ASB18: variants seen among roughly 807,000 people sequenced by gnomAD.
ASB18 encodes ankyrin repeat and SOCS box protein 18.
ASB18 carries 33 observed loss-of-function variants against 33.4 expected under a neutral mutation model. The ratio of observed to expected loss-of-function variants is 0.99; its 90% CI spans 0.75 to 1.32. ASB18 has a LOEUF of 1.32. ASB18 is among the 40% of genes most tolerant of loss of function. The pLI, the probability that ASB18 is intolerant of heterozygous loss-of-function variation, is 0.00. For synonymous variants in ASB18, 295 were observed against 307.6 expected, an observed-to-expected ratio of 0.96 and a Z score of 0.43; for missense variants, 694 against 655.5, an observed-to-expected ratio of 1.06 and a Z score of -0.64.
rs113164067 is a variant in ASB18 at position 236,214,244 on chromosome 2, C to G, written c.1101+118G>C. On this transcript the variant is annotated intron_variant, in intron 4 of 5. Coordinates refer to ENST00000409749, the MANE Select transcript of ASB18 (RefSeq NM_212556.4). This position sits in a 1 kb window ranked among gnomAD's most constrained non-coding sequence, Gnocchi z 6.5. Reference sequence around the variant, plus strand: ...GAGCAGATTCTGCATTTTCACAAGTCCCCAGGGGTGCCTGGGCCATTACAC... The same window carrying G: ...GAGCAGATTCTGCATTTTCACAAGTGCCCAGGGGTGCCTGGGCCATTACAC... The G allele has an allele frequency of 1.6e-3, 1,742 of 1,077,710 alleles. 18 individuals carry two copies. The African/African-American group carries it at 0.026, about 16-fold the overall frequency. 66.8% of individuals were successfully genotyped at this position (1,077,710 alleles called of 1,614,324 possible).
Position 236,208,982 on chromosome 2 carries a change from A to G in ASB18, c.1101+5380T>C, listed in dbSNP as rs2060446385. Among the ~76,000 whole-genome samples, 1 of 152,062 alleles carries G rather than the reference A, an allele frequency of 6.6e-6. No individual in the cohort carries two copies. The highest frequency in any genetic ancestry group is 2.1e-4 in the South Asian group (1 of 4,812). The stretch of plus-strand genomic sequence containing the variant: ...TATATGTAGATGGAGAAATAAAACG[A>G]CAGCAAGAAAAACACAGGCGCCCTA... On this transcript the variant is annotated intron_variant, in intron 4 of 5. Coordinates refer to ENST00000409749, the MANE Select transcript of ASB18 (RefSeq NM_212556.4). This position sits in a 1 kb window ranked among gnomAD's most constrained non-coding sequence, Gnocchi z 7.7.
At position 236,223,634 on chromosome 2, in the gene ASB18, A is replaced by T. The variant is rs2060523104; in HGVS notation, c.597-8768T>A. 6.6e-6 allele frequency among the ~76,000 whole-genome samples: 1 copy of T among 152,232 alleles called. No individual in the cohort carries two copies. The highest frequency in any genetic ancestry group is 2.1e-4 in the South Asian group (1 of 4,828). ...ACAAAGGAATATACCTATGTAACCA[A>T]TACCTCAATGAAGACATAGAATATT... On this transcript the variant is annotated intron_variant, in intron 3 of 5. Transcript: ENST00000409749. This position sits in a 1 kb window ranked among gnomAD's most constrained non-coding sequence, Gnocchi z 4.6.
At position 236,209,298 on chromosome 2, in the gene ASB18, G is replaced by A. The variant is rs375745648; in HGVS notation, c.1101+5064C>T. Reference sequence around the variant, plus strand: ...CTTTTTTTTTTTTTTTTTAAGACAAGGTCTTGCTCTGTCGTCCAGGCTGGA... The same window carrying A: ...CTTTTTTTTTTTTTTTTTAAGACAAAGTCTTGCTCTGTCGTCCAGGCTGGA... On this transcript the variant is annotated intron_variant, in intron 4 of 5. Coordinates refer to ENST00000409749, the MANE Select transcript of ASB18 (RefSeq NM_212556.4). This position sits in a 1 kb window ranked among gnomAD's most constrained non-coding sequence, Gnocchi z 4.4. Among the ~76,000 whole-genome samples, 31 of 149,402 alleles carry A rather than the reference G, an allele frequency of 2.1e-4. 1 individual carries two copies. The highest frequency in any genetic ancestry group is 7.4e-4 in the African/African-American group (30 of 40,406).
rs2060599826 is a variant in ASB18, at chr2:236,237,471, T to G, written c.596+218A>C. On this transcript the variant is annotated intron_variant, in intron 3 of 5. Coordinates refer to ENST00000409749, the MANE Select transcript of ASB18 (RefSeq NM_212556.4). This position sits in a 1 kb window ranked among gnomAD's most constrained non-coding sequence, Gnocchi z 6.2. ...GAGGTGCCAGGTCTGGGGTCCCGGGTCAGGGATCTTGGATCTGGGTCCCGA... is the reference window on the plus strand; with the variant it reads ...GAGGTGCCAGGTCTGGGGTCCCGGGGCAGGGATCTTGGATCTGGGTCCCGA... Among the ~76,000 whole-genome samples the G allele has an allele frequency of 6.8e-6, 1 of 147,090 alleles. No homozygotes were observed. The highest frequency in any genetic ancestry group is 2.5e-5 in the African/African-American group (1 of 40,184).
intron 3 of ASB18, among the ~76,000 whole-genome samples, chr2:236,232,422 C>T (rs906522745): frequency 8.6e-5 from 13 of 151,994 alleles, no homozygotes; most frequent in Admixed American, 6.5e-5. Flanking sequence ...GTGACATTAG[C>T]TTCCACCTTA....
Position 236,260,185 on chromosome 2 carries a change from G to A in ASB18, c.205+3956C>T, listed in dbSNP as rs2060711586. 8.1e-6 allele frequency among the ~76,000 whole-genome samples: 1 copy of A among 123,624 alleles called. No individual in the cohort carries two copies. The allele number at this position is 123,624 out of a possible 152,430, so 81.1% of individuals were successfully genotyped here. A position where few individuals can be genotyped will look rare whatever the true frequency, so the allele number is the denominator to read the frequency against. Reference sequence around the variant, plus strand: ...TGTCATCTTTAGAATAAAACTCAGAGTTCTGTCTACTGGGCTTGTCCTTGG... The same window carrying A: ...TGTCATCTTTAGAATAAAACTCAGAATTCTGTCTACTGGGCTTGTCCTTGG... On this transcript the variant is annotated intron_variant, in intron 1 of 5. Transcript: ENST00000409749. This position sits in a 1 kb window ranked among gnomAD's most constrained non-coding sequence, Gnocchi z 5.1.
At chr2:236,246,762 T>C (rs928544306) in intron 1 of ASB18, among the ~76,000 whole-genome samples, 2 of 152,068 alleles carry the variant, frequency 1.3e-5, no homozygotes, top group South Asian at 2.1e-4. Flanking sequence ...GTAGTTGCAC[T>C]ATTCATTTTC....
In ASB18 at chr2:236,241,641, T is replaced by C; in HGVS notation, c.206-239A>G. On this transcript the variant is annotated intron_variant, in intron 1 of 5. Coordinates refer to ENST00000409749, the MANE Select transcript of ASB18 (RefSeq NM_212556.4). The surrounding 1 kb of genome is among the most constrained non-coding windows in gnomAD (Gnocchi z 4.2). Reference sequence around the variant, plus strand: ...CAGTTGGGGCTCGATGGTGGTATATTTATAACTCCTGTGGGCTCCGATGTG... The same window carrying C: ...CAGTTGGGGCTCGATGGTGGTATATCTATAACTCCTGTGGGCTCCGATGTG... The C allele has an allele frequency of 1.6e-6, 1 of 631,256 alleles. No individual in the cohort carries two copies. 39.1% of individuals were successfully genotyped at this position (631,256 alleles called of 1,614,324 possible).
In ASB18 at chr2:236,214,792, T is replaced by G; in HGVS notation, c.671A>C (p.His224Pro). The G allele has an allele frequency of 8.3e-7, 1 of 1,205,026 alleles. No homozygotes were observed. The highest frequency in any genetic ancestry group is 1.0e-6 in the Non-Finnish European group (1 of 970,306). 74.6% of individuals were successfully genotyped at this position (1,205,026 alleles called of 1,614,324 possible). ...GTCCAGGCCGCGCTGCGCCGCCACG[T>G]GCAGCGGCGTGTCCCGGCCCGTGCC... The part of the protein sequence containing the change: ...VGGTGRDTPL[H>P]VAAQRGLDEH... Residue 224 changes from histidine (H) to proline (P), a missense_variant, in exon 4 of 6, where the codon CAC becomes CCC. Physicochemically the swap from His to Pro is moderately conservative, Grantham distance 77. Transcript: ENST00000409749. This position sits in a 1 kb window ranked among gnomAD's most constrained non-coding sequence, Gnocchi z 6.5.
At chr2:236,224,185 GTTTTTTTTTTTTTTTTTT>G (rs1161648778) in intron 3 of ASB18, among the ~76,000 whole-genome samples, 1 of 66,772 alleles carries the variant, frequency 1.5e-5, no homozygotes, top group Admixed American at 1.8e-4. Flanking sequence ...GTGTTGTCAG[GTTTTTTTTTTTTTTTTTT>G]TTTTTTTTTT....
rs2060520924 is a variant in ASB18 at position 236,223,244 on chromosome 2, G to A, written c.597-8378C>T. Among the ~76,000 whole-genome samples the A allele has an allele frequency of 6.6e-6, 1 of 152,190 alleles. No individual in the cohort carries two copies. Among genetic ancestry groups the A allele is most frequent in the South Asian group, 2.1e-4 (1 of 4,832 alleles). Reference sequence around the variant, plus strand: ...TATTTCTTTATAGCAGTGCAAGAATGGCCTAATACACTTCACATGCCCACT... The same window carrying A: ...TATTTCTTTATAGCAGTGCAAGAATAGCCTAATACACTTCACATGCCCACT... On this transcript the variant is annotated intron_variant, in intron 3 of 5. Coordinates refer to ENST00000409749, the MANE Select transcript of ASB18 (RefSeq NM_212556.4). The surrounding 1 kb of genome is among the most constrained non-coding windows in gnomAD (Gnocchi z 4.6).
chr2:236,214,987 C>T lies in ASB18; in HGVS notation c.597-121G>A. Reference sequence around the variant, plus strand: ...AATGAAAAGACATGCTCCGCTCTCCCATACCAAGGCGTCAGGAGTTCAAAC... The same window carrying T: ...AATGAAAAGACATGCTCCGCTCTCCTATACCAAGGCGTCAGGAGTTCAAAC... On this transcript the variant is annotated intron_variant, in intron 3 of 5. Coordinates refer to ENST00000409749, the MANE Select transcript of ASB18 (RefSeq NM_212556.4). This position sits in a 1 kb window ranked among gnomAD's most constrained non-coding sequence, Gnocchi z 6.5. 1.5e-6 allele frequency: 1 copy of T among 682,870 alleles called. No homozygotes were observed. The highest frequency in any genetic ancestry group is 2.0e-6 in the Non-Finnish European group (1 of 508,906). The allele number at this position is 682,870 out of a possible 1,614,324, so 42.3% of individuals were successfully genotyped here. A position where few individuals can be genotyped will look rare whatever the true frequency, so the allele number is the denominator to read the frequency against.
intron 3 of ASB18, among the ~76,000 whole-genome samples, chr2:236,230,544 A>G (rs1576403939): frequency 3.9e-5 from 6 of 152,044 alleles, no homozygotes; most frequent in Admixed American, 3.9e-4. Context: ...GGACTTTTGT[A>G]TAGAAGTAAA....
Position 236,253,562 on chromosome 2 carries a change from A to G in ASB18, c.205+10579T>C, listed in dbSNP as rs372185072. 8.2e-6 allele frequency among the ~76,000 whole-genome samples: 1 copy of G among 122,140 alleles called. No homozygotes were observed. The highest frequency in any genetic ancestry group is 3.1e-5 in the African/African-American group (1 of 32,486). 80.1% of individuals were successfully genotyped at this position (122,140 alleles called of 152,430 possible). ...TATTATTATTATTATTATTATTATT[A>G]TTGTGGTGGGAGATGGGGTCTCACT... is the stretch of plus-strand genomic sequence containing the variant. On this transcript the variant is annotated intron_variant, in intron 1 of 5. Transcript: ENST00000409749. The surrounding 1 kb of genome is among the most constrained non-coding windows in gnomAD (Gnocchi z 5.4).
At chr2:236,242,271 T>C (rs1456176167) in intron 1 of ASB18, among the ~76,000 whole-genome samples, 1 of 152,086 alleles carries the variant, frequency 6.6e-6, no homozygotes, top group Non-Finnish European at 1.5e-5. Context: ...TAGGACCTAC[T>C]CAGAACTGGG....
intron 4 of ASB18, among the ~76,000 whole-genome samples, chr2:236,212,228 C>T (rs1264083247): frequency 6.6e-6 from 1 of 152,084 alleles, no homozygotes; most frequent in Non-Finnish European, 1.5e-5. Context: ...ACTGACTGAC[C>T]CCATTTCTGT....
chr2:236,237,172 A>G lies in ASB18; in HGVS notation c.596+517T>C, dbSNP rs1323981123. Among the ~76,000 whole-genome samples the G allele has an allele frequency of 6.6e-6, 1 of 152,168 alleles. No homozygotes were observed. The highest frequency in any genetic ancestry group is 1.5e-5 in the Non-Finnish European group (1 of 68,036). On this transcript the variant is annotated intron_variant, in intron 3 of 5. Coordinates refer to ENST00000409749, the MANE Select transcript of ASB18 (RefSeq NM_212556.4). The surrounding 1 kb of genome is among the most constrained non-coding windows in gnomAD (Gnocchi z 6.2). The stretch of plus-strand genomic sequence containing the variant: ...CCATTTATGTCACACTGTGACAATT[A>G]TTCTGCATAAAATTATCATTAAAAA...
chr2:236,258,968 A>G (rs934295965), intron 1 of ASB18, among the ~76,000 whole-genome samples: 6 of 152,206 alleles, frequency 3.9e-5, no homozygotes, highest in African/African-American at 1.4e-4. Context: ...AATAATAGCA[A>G]TTAGTAATCA....
chr2:236,241,271 C>G lies in ASB18; in HGVS notation c.328+9G>C, dbSNP rs190287591. ...AAATAAATGACTGAGCTTTAAAGAA[C>G]AAGGGTACCTGATAGTCCAAACGTG... On this transcript the variant is annotated intron_variant, in intron 2 of 5. Transcript: ENST00000409749. The surrounding 1 kb of genome is among the most constrained non-coding windows in gnomAD (Gnocchi z 4.2). The G allele has an allele frequency of 5.0e-6, 8 of 1,613,662 alleles. No homozygotes were observed. In the East Asian group the frequency reaches 1.6e-4, roughly 31 times the overall value.
Sources: gnomAD v4.1 joint callset for allele counts (sites outside exome capture counted in the v4.1 genomes callset) on GRCh38, gnomAD v4.1.1 for gene constraint, Gnocchi (gnomAD v3.1) non-coding constraint, MANE v1.5 for transcripts, NCBI Gene and HGNC (gene_info 2026-07-23, HGNC 2026-07-21) for gene names.